AFF1: variants seen among roughly 807,000 people sequenced by gnomAD.
AFF1 encodes AF4/FMR2 family member 1.
In AFF1, 48 loss-of-function variants were observed where a neutral mutation model predicts 121.7. That is an observed-to-expected ratio of 0.39 (90% confidence interval 0.31 to 0.50). The LOEUF is 0.50. Ranked by LOEUF, AFF1 falls within the 20% of genes least tolerant of loss-of-function variation. The pLI is 0.76. For missense variants in AFF1, 1,523 were observed against 1,511.7 expected, an observed-to-expected ratio of 1.01 and a Z score of -0.12; for synonymous variants, 613 against 563.0, an observed-to-expected ratio of 1.09 and a Z score of -1.26.
intron 2 of AFF1, chr4:87,007,152 C>T: frequency 2.3e-6 from 3 of 1,312,384 alleles, no homozygotes; most frequent in African/African-American, 1.5e-5. Flanking sequence ...TCCCCGGGCT[C>T]GTCTGAAGTG....
rs943760086 is a variant in AFF1, at chr4:87,096,988, G to A, written c.1283+2019G>A. Among the ~76,000 whole-genome samples, 3 of 152,146 alleles carry A rather than the reference G, an allele frequency of 2.0e-5. No homozygotes were observed. In the South Asian group the frequency reaches 6.2e-4, roughly 31 times the overall value. On this transcript the variant is annotated intron_variant, in intron 8 of 20. Transcript: ENST00000395146. ...ATGGATTACATTTAAGGAAGGAGGA[G>A]GTTTGTTAAACCAGTTGATGGCTGG...
chr4:87,120,859 T>C (rs1727616830), intron 12 of AFF1, among the ~76,000 whole-genome samples: 1 of 152,194 alleles, frequency 6.6e-6, no homozygotes, highest in African/African-American at 2.4e-5. Flanking sequence ...AAGCCACCTT[T>C]TCCCTGCTTC....
intron 1 of AFF1, among the ~76,000 whole-genome samples, chr4:86,937,992 G>A (rs994386383): frequency 6.6e-6 from 1 of 152,218 alleles, no homozygotes; most frequent in Non-Finnish European, 1.5e-5. Flanking sequence ...ATTGAGCTTA[G>A]AAAGGGTAAA....
At position 87,022,206 on chromosome 4, in the gene AFF1, C is replaced by CAAAAA. The variant is rs11296179; in HGVS notation, c.39-23941_39-23937dup. ...GGCGTGACACAGCGAGACTCCATCT[C>CAAAAA]AAAAAAAAAAAAAAAAAAAAAAATG... On this transcript the variant is annotated intron_variant, in intron 2 of 20. Transcript: ENST00000395146. 4.9e-4 allele frequency among the ~76,000 whole-genome samples: 37 copies of CAAAAA among 76,040 alleles called. 1 individual carries two copies. Among genetic ancestry groups the CAAAAA allele is most frequent in the African/African-American group, 1.6e-3 (30 of 18,616 alleles). 49.9% of individuals were successfully genotyped at this position (76,040 alleles called of 152,430 possible).
intron 2 of AFF1, among the ~76,000 whole-genome samples, chr4:87,045,737 C>G (rs1373177005): frequency 6.6e-6 from 1 of 152,106 alleles, no homozygotes; most frequent in Non-Finnish European, 1.5e-5. Context: ...AAAATGTACG[C>G]TACTGATCCA....
chr4:87,120,508 T>A (rs1267629030), intron 12 of AFF1, among the ~76,000 whole-genome samples: 1 of 152,210 alleles, frequency 6.6e-6, no homozygotes, highest in Non-Finnish European at 1.5e-5. Context: ...TAAAAATAGA[T>A]CTGCAGCTCA....
At chr4:86,965,279 T>C (rs1722458233) in intron 2 of AFF1, among the ~76,000 whole-genome samples, 1 of 152,244 alleles carries the variant, frequency 6.6e-6, no homozygotes, top group Admixed American at 6.5e-5. Context: ...TAAAAACAAA[T>C]TCCTTGCACA....
chr4:87,006,904 C>T (rs1289104869), intron 2 of AFF1: 45 of 971,324 alleles, frequency 4.6e-5, no homozygotes, highest in Non-Finnish European at 5.3e-5. Flanking sequence ...GCGCCCTGCC[C>T]ATTTAAGTAG....
At chr4:87,127,178 C>CT in intron 15 of AFF1, 61 bp downstream of exon 15, 1 of 1,298,798 alleles carries the variant, frequency 7.7e-7, no homozygotes, top group Non-Finnish European at 1.1e-6. Context: ...CCCCCCCCAC[C>CT]AAGATAGAGT....
chr4:87,084,458 G>A (rs1723494175), intron 5 of AFF1, among the ~76,000 whole-genome samples: 1 of 151,794 alleles, frequency 6.6e-6, no homozygotes, highest in Non-Finnish European at 1.5e-5. Flanking sequence ...CAGGCCTCCT[G>A]AACTCGATTG....
chr4:87,132,660 AT>A (rs1469332878), intron 19 of AFF1, among the ~76,000 whole-genome samples: 2 of 152,148 alleles, frequency 1.3e-5, no homozygotes, highest in South Asian at 2.1e-4. Flanking sequence ...TAGAATTGAA[AT>A]TTTTGAGCTT....
intron 2 of AFF1, among the ~76,000 whole-genome samples, chr4:86,986,840 T>C (rs1445507679): frequency 3.3e-5 from 5 of 152,052 alleles, no homozygotes; most frequent in Non-Finnish European, 7.4e-5. Flanking sequence ...CATAATAGTA[T>C]TGTGGTTATT....
chr4:87,006,262 A>G (rs560158537), intron 2 of AFF1, among the ~76,000 whole-genome samples: 153 of 152,294 alleles, frequency 1.0e-3, no homozygotes, highest in African/African-American at 3.6e-3. Flanking sequence ...GCTGGTCCCT[A>G]TGAGATGCTG....
chr4:87,119,380 A>G (rs1413959005), intron 12 of AFF1, among the ~76,000 whole-genome samples: 1 of 151,748 alleles, frequency 6.6e-6, no homozygotes, highest in Non-Finnish European at 1.5e-5. Context: ...GGAGTTCAAG[A>G]CCAGCCTGGG....
chr4:86,956,352 T>C (rs1197983162), intron 2 of AFF1, among the ~76,000 whole-genome samples: 2 of 152,206 alleles, frequency 1.3e-5, no homozygotes, highest in Non-Finnish European at 2.9e-5. Flanking sequence ...GAATTAGTTA[T>C]TTCCCAAAAG....
intron 2 of AFF1, among the ~76,000 whole-genome samples, chr4:86,966,660 G>A (rs1722561408): frequency 6.6e-6 from 1 of 151,928 alleles, no homozygotes; most frequent in South Asian, 2.1e-4. Context: ...ACTTGGCTCA[G>A]TCTGCTGGTT....
At chr4:87,025,635 A>G (rs868512769) in intron 2 of AFF1, among the ~76,000 whole-genome samples, 3 of 152,264 alleles carry the variant, frequency 2.0e-5, no homozygotes, top group African/African-American at 7.2e-5. Context: ...GGAGACAGAT[A>G]TGGCTGTCAC....
chr4:87,112,823 C>T (rs1467748711), intron 11 of AFF1, among the ~76,000 whole-genome samples: 2 of 152,104 alleles, frequency 1.3e-5, no homozygotes, highest in African/African-American at 4.8e-5. Flanking sequence ...ACCACCTCCC[C>T]GAGTGGATCT....
chr4:86,977,467 A>G lies in AFF1; in HGVS notation c.38+28896A>G, dbSNP rs1410235867. 3.3e-5 allele frequency among the ~76,000 whole-genome samples: 5 copies of G among 152,266 alleles called. No individual in the cohort carries two copies. The East Asian group carries it at 9.7e-4, about 29-fold the overall frequency. ...AACCATGGAAAGTGAAACTGCAGATAAGGGGGGCTTCTGTATTGTTTTAGA... is the reference window on the plus strand; with the variant it reads ...AACCATGGAAAGTGAAACTGCAGATGAGGGGGGCTTCTGTATTGTTTTAGA... On this transcript the variant is annotated intron_variant, in intron 2 of 20. Coordinates refer to ENST00000395146, the MANE Select transcript of AFF1 (RefSeq NM_001166693.3).
Sources: allele counts gnomAD v4.1 joint callset (sites outside exome capture counted in the v4.1 genomes callset), GRCh38; gene constraint gnomAD v4.1.1; transcripts MANE v1.5; gene names NCBI Gene and HGNC (gene_info 2026-07-23, HGNC 2026-07-21).